NUCKS1: variants seen among roughly 807,000 people sequenced by gnomAD.
The protein encoded by NUCKS1 is nuclear casein kinase and cyclin dependent kinase substrate 1.
In NUCKS1, 2 loss-of-function variants were observed where a neutral mutation model predicts 33.0. The observed-to-expected ratio is 0.06, with a 90% CI of 0.02 to 0.19. The LOEUF is 0.19. Among genes scored for constraint, NUCKS1 ranks in the 10% least tolerant of loss-of-function variants. The probability of loss-of-function intolerance (pLI) is 1.00; values close to 1 mark genes in which losing one functional copy is unlikely to be tolerated. For synonymous variants in NUCKS1, 106 were observed against 102.8 expected, an observed-to-expected ratio of 1.03 and a Z score of -0.19; for missense variants, 201 against 293.6, an observed-to-expected ratio of 0.68 and a Z score of 2.31.
intron 1 of NUCKS1, among the ~76,000 whole-genome samples, chr1:205,742,573 C>T (rs1007266479): frequency 6.6e-6 from 1 of 152,176 alleles, no homozygotes; most frequent in East Asian, 1.9e-4. Context: ...GCCTGTAATC[C>T]CAGCACTTTG....
intron 1 of NUCKS1, among the ~76,000 whole-genome samples, chr1:205,733,385 A>G (rs1653961808): frequency 6.6e-6 from 1 of 152,216 alleles, no homozygotes; most frequent in South Asian, 2.1e-4. Context: ...TGTAGGTTCA[A>G]CATAAAGAGC....
intron 5 of NUCKS1, 190 bp from the exon 6 acceptor site, chr1:205,719,866 C>T (rs1398910005): frequency 1.8e-6 from 1 of 555,392 alleles, no homozygotes; most frequent in Non-Finnish European, 3.1e-6. Flanking sequence ...ATTTTGCATG[C>T]ACCTTACATG....
At chr1:205,720,377 G>T in intron 5 of NUCKS1, 124 bp downstream of exon 5, 1 of 877,770 alleles carries the variant, frequency 1.1e-6, no homozygotes, top group Non-Finnish European at 1.8e-6. Context: ...TTTTAACACG[G>T]AGTATCTACC....
rs1558047925 is a variant in NUCKS1 at position 205,716,852 on chromosome 1, A to G, written c.*1428T>C. ...TAAGGCGTGTAAAAGTCGGTTTTCA[A>G]CTGCACACAGGCCTCCTAAAATGCC... On this transcript the variant is annotated 3_prime_UTR_variant, in exon 7 of 7. Transcript: ENST00000367142. The G allele has an allele frequency of 6.6e-6, 1 of 152,138 alleles. No individual in the cohort carries two copies. The highest frequency in any genetic ancestry group is 1.5e-5 in the Non-Finnish European group (1 of 68,030). The allele number at this position is 152,138 out of a possible 1,614,324, so 9.4% of individuals were successfully genotyped here.
chr1:205,738,321 C>T (rs1043298427), intron 1 of NUCKS1, among the ~76,000 whole-genome samples: 3 of 152,032 alleles, frequency 2.0e-5, no homozygotes, highest in South Asian at 2.1e-4. Context: ...AGCCACCATG[C>T]CCAGCCTATT....
chr1:205,738,923 C>T (rs989406110), intron 1 of NUCKS1, among the ~76,000 whole-genome samples: 2 of 152,072 alleles, frequency 1.3e-5, no homozygotes, highest in Non-Finnish European at 2.9e-5. Context: ...TGAATAACTA[C>T]ATAAAATTTA....
chr1:205,735,212 T>C (rs951933076), intron 1 of NUCKS1, among the ~76,000 whole-genome samples: 2 of 152,222 alleles, frequency 1.3e-5, no homozygotes, highest in South Asian at 4.1e-4. Flanking sequence ...TCTCACAAGA[T>C]TATTATAGCA....
At chr1:205,733,854 T>C (rs781213283) in intron 1 of NUCKS1, among the ~76,000 whole-genome samples, 11 of 152,054 alleles carry the variant, frequency 7.2e-5, no homozygotes, top group Non-Finnish European at 1.3e-4. Context: ...TACCTACCTA[T>C]CTTCCATCTG....
chr1:205,718,613 C>A, intron 6 of NUCKS1, 134 bp from the exon 7 acceptor site: 3 of 1,178,472 alleles, frequency 2.5e-6, no homozygotes, highest in African/African-American at 1.5e-5. Flanking sequence ...CCAAGGTGGG[C>A]ACAAGGGAGC....
At chr1:205,731,204 C>A (rs546571174) in intron 1 of NUCKS1, 1 of 151,626 alleles carries the variant, frequency 6.6e-6, no homozygotes, top group East Asian at 1.9e-4. Context: ...TTTTCCTTTT[C>A]CAATTTTACA....
At chr1:205,741,144 C>T (rs1411653756) in intron 1 of NUCKS1, among the ~76,000 whole-genome samples, 1 of 150,724 alleles carries the variant, frequency 6.6e-6, no homozygotes, top group Non-Finnish European at 1.5e-5. Flanking sequence ...ACTAAAAATA[C>T]AAAAAATTAG....
In NUCKS1 at chr1:205,750,033, C is replaced by G; in HGVS notation, c.-60G>C. 2 of 1,046,226 alleles carry G rather than the reference C, an allele frequency of 1.9e-6. No individual in the cohort carries two copies. Among genetic ancestry groups the G allele is most frequent in the Non-Finnish European group, 2.5e-6 (2 of 790,110 alleles). 64.8% of individuals were successfully genotyped at this position (1,046,226 alleles called of 1,614,324 possible). A position where few individuals can be genotyped will look rare whatever the true frequency, so the allele number is the denominator to read the frequency against. On this transcript the variant is annotated 5_prime_UTR_variant, in exon 1 of 7. Coordinates refer to ENST00000367142, the MANE Select transcript of NUCKS1 (RefSeq NM_022731.5). ...AAAGACCAGGACCCCCCCCACCCCG[C>G]GCGCTCGGCGCCCCACCCCCCCCGA...
chr1:205,730,871 C>T (rs1435830491), intron 1 of NUCKS1, among the ~76,000 whole-genome samples: 1 of 152,112 alleles, frequency 6.6e-6, no homozygotes, highest in Non-Finnish European at 1.5e-5. Context: ...CACCATGTAC[C>T]TATGTATTCA....
Position 205,750,055 on chromosome 1 carries a change from C to A in NUCKS1, c.-82G>T. On this transcript the variant is annotated 5_prime_UTR_variant, in exon 1 of 7. Coordinates refer to ENST00000367142, the MANE Select transcript of NUCKS1 (RefSeq NM_022731.5). ...CCGCGCGCTCGGCGCCCCACCCCCC[C>A]CGAACTTCAGCCGATGGGACCGCTG... is the stretch of plus-strand genomic sequence containing the variant. 2 of 1,299,098 alleles carry A rather than the reference C, an allele frequency of 1.5e-6. No homozygotes were observed. The highest frequency in any genetic ancestry group is 2.1e-6 in the Non-Finnish European group (2 of 973,386). The allele number at this position is 1,299,098 out of a possible 1,614,324, so 80.5% of individuals were successfully genotyped here.
intron 1 of NUCKS1, among the ~76,000 whole-genome samples, chr1:205,741,232 G>A (rs1196863775): frequency 1.1e-4 from 17 of 149,444 alleles, no homozygotes; most frequent in African/African-American, 4.2e-4. Flanking sequence ...CCCGGGAGGC[G>A]GAGCTTGCAG....
At chr1:205,720,291 A>G (rs1420184724) in intron 5 of NUCKS1, among the ~76,000 whole-genome samples, 2 of 152,184 alleles carry the variant, frequency 1.3e-5, no homozygotes, top group African/African-American at 4.8e-5. Context: ...AAAGGGTGCA[A>G]CCATTACAAA....
intron 1 of NUCKS1, among the ~76,000 whole-genome samples, chr1:205,732,026 C>G (rs1001687136): frequency 6.6e-6 from 1 of 152,034 alleles, no homozygotes; most frequent in Admixed American, 6.6e-5. Context: ...ACTGCAAACA[C>G]TGGTCCACCT....
chr1:205,741,921 G>T (rs1435863780), intron 1 of NUCKS1, among the ~76,000 whole-genome samples: 2 of 152,130 alleles, frequency 1.3e-5, no homozygotes, highest in Admixed American at 6.5e-5. Context: ...AAAGTGTGAC[G>T]TTCATTTTTA....
chr1:205,720,723 T>C (rs1354528177), intron 4 of NUCKS1, 70 bp from the exon 5 acceptor site: 2 of 1,420,506 alleles, frequency 1.4e-6, no homozygotes, highest in Admixed American at 4.3e-5. Context: ...TGCAAAAGAT[T>C]AATAATTGAC....
Sources: gnomAD v4.1 joint callset for allele counts (sites outside exome capture counted in the v4.1 genomes callset) on GRCh38, gnomAD v4.1.1 for gene constraint, MANE v1.5 for transcripts, NCBI Gene and HGNC (gene_info 2026-07-23, HGNC 2026-07-21) for gene names.